Variants in NPAS3 observed in about 807,000 individuals in gnomAD.
NPAS3 encodes the protein neuronal PAS domain-containing protein 3.
NPAS3 carries 14 observed loss-of-function variants against 73.1 expected under a neutral mutation model. The ratio of observed to expected loss-of-function variants is 0.19; its 90% confidence interval spans 0.13 to 0.30. The LOEUF (loss-of-function observed/expected upper bound fraction) is 0.30. Ranked by LOEUF, NPAS3 falls within the 10% of genes least tolerant of loss-of-function variation. The pLI, the probability that NPAS3 is intolerant of heterozygous loss-of-function variation, is 1.00. For missense variants in NPAS3, 1,096 were observed against 1,250.0 expected, an observed-to-expected ratio of 0.88 and a Z score of 1.86; for synonymous variants, 620 against 541.5, an observed-to-expected ratio of 1.14 and a Z score of -2.01.
intron 6 of NPAS3, among the ~76,000 whole-genome samples, chr14:33,696,364 C>A (rs2060379627): frequency 6.6e-6 from 1 of 152,146 alleles, no homozygotes; most frequent in Non-Finnish European, 1.5e-5. Flanking sequence ...GTACTTTAAA[C>A]ACTTTGAGCC....
intron 1 of NPAS3, among the ~76,000 whole-genome samples, chr14:33,009,190 T>C (rs1369459248): frequency 6.6e-6 from 1 of 152,152 alleles, no homozygotes; most frequent in African/African-American, 2.4e-5. Context: ...ATAAAAGAAA[T>C]GTGAATGACA....
At chr14:33,233,639 T>A (rs2047931657) in intron 3 of NPAS3, among the ~76,000 whole-genome samples, 2 of 152,142 alleles carry the variant, frequency 1.3e-5, no homozygotes, top group South Asian at 4.1e-4. Flanking sequence ...ATGTAATGAT[T>A]GACAATAAAG....
intron 3 of NPAS3, among the ~76,000 whole-genome samples, chr14:33,279,454 G>A (rs1202497866): frequency 2.0e-5 from 3 of 152,054 alleles, no homozygotes; most frequent in African/African-American, 7.2e-5. Flanking sequence ...CCAGCTAATC[G>A]CTAATGAAGC....
chr14:33,224,535 A>AT lies in NPAS3; in HGVS notation c.385+9117dup, dbSNP rs539249368. On this transcript the variant is annotated intron_variant, in intron 3 of 11. Coordinates refer to ENST00000356141, the Ensembl canonical transcript of NPAS3. Reference sequence around the variant, plus strand: ...GCATTCTAAAGGAAGGCCAATAGATATTTTTTTTGTTAAAAGACCAGATTG... The same window carrying AT: ...GCATTCTAAAGGAAGGCCAATAGATATTTTTTTTTGTTAAAAGACCAGATTG... Among the ~76,000 whole-genome samples, 499 of 151,828 alleles carry AT rather than the reference A, an allele frequency of 3.3e-3. 12 individuals are homozygous for AT. In the East Asian group the frequency reaches 0.063, roughly 19 times the overall value.
intron 7 of NPAS3, among the ~76,000 whole-genome samples, chr14:33,737,663 A>AGACAAAG (rs1163679996): frequency 1.3e-5 from 2 of 152,082 alleles, no homozygotes; most frequent in East Asian, 3.9e-4. Flanking sequence ...AACTTCCCTC[A>AGACAAAG]TTAATTAACT....
intron 2 of NPAS3, among the ~76,000 whole-genome samples, chr14:33,156,804 A>G (rs1023977636): frequency 6.6e-6 from 1 of 152,206 alleles, no homozygotes; most frequent in Admixed American, 6.5e-5. Flanking sequence ...GAGAAGTCAC[A>G]GTGCACTTAG....
intron 5 of NPAS3, among the ~76,000 whole-genome samples, chr14:33,636,496 T>TCC (rs777348028): frequency 6.6e-6 from 1 of 152,266 alleles, no homozygotes. Context: ...GAAGTTACAC[T>TCC]CCAAGGGCAT....
intron 5 of NPAS3, among the ~76,000 whole-genome samples, chr14:33,566,248 G>A (rs1331255335): frequency 6.6e-6 from 1 of 151,502 alleles, no homozygotes; most frequent in African/African-American, 2.4e-5. Flanking sequence ...ATGACTGCAT[G>A]ATGCATCATT....
At chr14:33,585,124 A>G (rs2056816932) in intron 5 of NPAS3, among the ~76,000 whole-genome samples, 4 of 152,016 alleles carry the variant, frequency 2.6e-5, no homozygotes, top group South Asian at 4.2e-4. Context: ...CACTGGATAC[A>G]GGATGAAATG....
At chr14:33,470,269 G>A (rs192205064) in intron 4 of NPAS3, among the ~76,000 whole-genome samples, 34 of 152,304 alleles carry the variant, frequency 2.2e-4, no homozygotes, top group African/African-American at 7.9e-4. Context: ...AGATCCTACT[G>A]CTTGATGAAG....
At position 32,987,554 on chromosome 14, in the gene NPAS3, T is replaced by C. The variant is rs112661414; in HGVS notation, c.50+48188T>C. 3.0e-3 allele frequency among the ~76,000 whole-genome samples: 464 copies of C among 152,296 alleles called. 2 individuals carry two copies. The highest frequency in any genetic ancestry group is 0.011 in the African/African-American group (450 of 41,568). ...GATTAGAAAGATACCAACATTGGAA[T>C]TGGATTTTGAAAATTAGTAATATAG... On this transcript the variant is annotated intron_variant, in intron 1 of 11. Coordinates refer to ENST00000356141, the Ensembl canonical transcript of NPAS3.
chr14:33,729,120 T>C (rs539765497), intron 6 of NPAS3, among the ~76,000 whole-genome samples: 6 of 152,304 alleles, frequency 3.9e-5, no homozygotes, highest in African/African-American at 1.4e-4. Context: ...AATATCTTTC[T>C]TACAGTCTTG....
intron 4 of NPAS3, among the ~76,000 whole-genome samples, chr14:33,388,536 G>A (rs1162897920): frequency 1.3e-5 from 2 of 152,136 alleles, no homozygotes; most frequent in Non-Finnish European, 2.9e-5. Context: ...AAGGCAAGAG[G>A]AAGAACCAGG....
At chr14:33,613,169 C>A (rs767098395) in intron 5 of NPAS3, among the ~76,000 whole-genome samples, 1 of 152,116 alleles carries the variant, frequency 6.6e-6, no homozygotes, top group Admixed American at 6.6e-5. Flanking sequence ...CAAATTCACA[C>A]AGCTCATCAA....
chr14:33,181,355 G>A (rs2045793189), intron 2 of NPAS3, among the ~76,000 whole-genome samples: 1 of 152,154 alleles, frequency 6.6e-6, no homozygotes, highest in Non-Finnish European at 1.5e-5. Flanking sequence ...TGCACTAAAA[G>A]AAGAAAGTGA....
At chr14:33,216,916 C>T (rs1335840571) in intron 3 of NPAS3, among the ~76,000 whole-genome samples, 2 of 151,978 alleles carry the variant, frequency 1.3e-5, no homozygotes, top group East Asian at 3.9e-4. Context: ...CCCTTCTGCC[C>T]TTGAGCATGT....
intron 2 of NPAS3, among the ~76,000 whole-genome samples, chr14:33,094,995 T>C (rs1374332599): frequency 6.6e-6 from 1 of 152,206 alleles, no homozygotes; most frequent in African/African-American, 2.4e-5. Flanking sequence ...ATTTTAAAAA[T>C]AGTGACTGCA....
intron 1 of NPAS3, among the ~76,000 whole-genome samples, chr14:33,037,313 C>T (rs1477712561): frequency 6.6e-6 from 1 of 151,640 alleles, no homozygotes; most frequent in Non-Finnish European, 1.5e-5. Flanking sequence ...TTATACTAGC[C>T]AACATATTTG....
intron 6 of NPAS3, among the ~76,000 whole-genome samples, chr14:33,708,049 G>A (rs924617872): frequency 4.6e-5 from 7 of 151,926 alleles, no homozygotes; most frequent in African/African-American, 7.3e-5. Context: ...GCAAGTCATC[G>A]AGCAGCCACA....
Sources: allele counts gnomAD v4.1 joint callset (sites outside exome capture counted in the v4.1 genomes callset), GRCh38; gene constraint gnomAD v4.1.1; transcripts MANE v1.5; gene names NCBI Gene and HGNC (gene_info 2026-07-23, HGNC 2026-07-21).